ATXN8OS: variants seen among roughly 807,000 people sequenced by gnomAD.
ATXN8OS encodes ATXN8 opposite strand (non-protein coding).
At position 70,139,371 on chromosome 13, in the gene ATXN8OS, A is replaced by ACTGCTGCTG. The variant is rs1566606466; in HGVS notation, n.500-7982_500-7981insGCTGCTGCT. ...TGGCTTTACTACTACTACTACTACT[A>ACTGCTGCTG]CTACTACTACTACTGCTGCTGCTGC... On this transcript the variant is annotated intron_variant and non_coding_transcript_variant, in intron 3 of 4. Transcript: ENST00000678624. 5 of 643,254 alleles carry ACTGCTGCTG rather than the reference A, an allele frequency of 7.8e-6. No individual in the cohort carries two copies. In the East Asian group the frequency reaches 9.0e-5, roughly 12 times the overall value. The allele number at this position is 643,254 out of a possible 1,614,324, so 39.8% of individuals were successfully genotyped here.
At chr13:70,124,240 T>C (rs1023150019) in intron 2 of ATXN8OS, among the ~76,000 whole-genome samples, 2 of 152,120 alleles carry the variant, frequency 1.3e-5, no homozygotes, top group Non-Finnish European at 2.9e-5. Flanking sequence ...TAATTAATAA[T>C]GTCACCTGCT....
chr13:70,126,524 A>G (rs887027893), intron 2 of ATXN8OS, among the ~76,000 whole-genome samples: 3 of 152,004 alleles, frequency 2.0e-5, no homozygotes, highest in Non-Finnish European at 2.9e-5. Context: ...AGTAAACCAT[A>G]TATCTCTCTA....
intron 3 of ATXN8OS, among the ~76,000 whole-genome samples, chr13:70,138,147 G>C (rs2137489037): frequency 6.6e-6 from 1 of 152,266 alleles, no homozygotes; most frequent in South Asian, 2.1e-4. Flanking sequence ...CCGACACAGA[G>C]CCAGACCATA....
At chr13:70,134,748 T>C (rs145972196) in intron 3 of ATXN8OS, among the ~76,000 whole-genome samples, 4 of 152,134 alleles carry the variant, frequency 2.6e-5, no homozygotes, top group Non-Finnish European at 5.9e-5. Flanking sequence ...TGGCTGCCCT[T>C]GGAAATCAAC....
chr13:70,110,700 T>A lies in ATXN8OS; in HGVS notation n.240+2681T>A, dbSNP rs76632455. ...TTGAAAAATATACTTTGTAAAATAC[T>A]GCACTAATTAATTTATCTATTATTC... On this transcript the variant is annotated intron_variant and non_coding_transcript_variant, in intron 1 of 4. Transcript: ENST00000678624. Among the ~76,000 whole-genome samples the A allele has an allele frequency of 1.7e-3, 255 of 152,078 alleles. 1 individual carries two copies. The highest frequency in any genetic ancestry group is 6.0e-3 in the African/African-American group (248 of 41,504).
At chr13:70,169,529 C>T (rs1201456046) in intron 4 of ATXN8OS, among the ~76,000 whole-genome samples, 3 of 152,002 alleles carry the variant, frequency 2.0e-5, no homozygotes, top group Admixed American at 6.6e-5. Context: ...CTGCTGACCT[C>T]GTGATCCACC....
At chr13:70,129,706 G>C (rs1888500329) in intron 2 of ATXN8OS, 3 of 397,756 alleles carry the variant, frequency 7.5e-6, no homozygotes, top group Non-Finnish European at 1.3e-5. Context: ...TCAACCATCT[G>C]TACAGACTAG....
intron 1 of ATXN8OS, among the ~76,000 whole-genome samples, chr13:70,108,949 G>T (rs528941884): frequency 6.6e-6 from 1 of 152,184 alleles, no homozygotes; most frequent in South Asian, 2.1e-4. Flanking sequence ...AGAGGCGTAC[G>T]GTAGAAATTT....
At chr13:70,122,360 A>G (rs939224824) in intron 2 of ATXN8OS, among the ~76,000 whole-genome samples, 1 of 152,014 alleles carries the variant, frequency 6.6e-6, no homozygotes, top group African/African-American at 2.4e-5. Flanking sequence ...ACACTAAAGC[A>G]TTAGTAGTCC....
intron 3 of ATXN8OS, among the ~76,000 whole-genome samples, chr13:70,133,536 A>G (rs923235932): frequency 6.6e-6 from 1 of 152,244 alleles, no homozygotes; most frequent in Non-Finnish European, 1.5e-5. Context: ...TGAATGTAAC[A>G]ATATTTGGAA....
At chr13:70,171,191 A>G (rs2067474509) in exon 5 of ATXN8OS, among the ~76,000 whole-genome samples, 1 of 152,110 alleles carries the variant, frequency 6.6e-6, no homozygotes, top group Non-Finnish European at 1.5e-5. Context: ...TGATTAGGTT[A>G]TAACTTTGCA....
intron 3 of ATXN8OS, among the ~76,000 whole-genome samples, chr13:70,140,316 G>C (rs183075648): frequency 6.6e-6 from 1 of 151,912 alleles, no homozygotes; most frequent in East Asian, 1.9e-4. Flanking sequence ...GTAAGTATTC[G>C]ATAAATTTGA....
At chr13:70,119,386 T>C (rs1888327113) in intron 2 of ATXN8OS, among the ~76,000 whole-genome samples, 1 of 152,158 alleles carries the variant, frequency 6.6e-6, no homozygotes, top group Admixed American at 6.6e-5. Context: ...ATAATAACTC[T>C]TAAAGTTGCT....
At chr13:70,167,423 C>T (rs1163119290) in intron 4 of ATXN8OS, among the ~76,000 whole-genome samples, 1 of 151,928 alleles carries the variant, frequency 6.6e-6, no homozygotes, top group Non-Finnish European at 1.5e-5. Flanking sequence ...AAAAACCAAA[C>T]ACCACATGTT....
intron 4 of ATXN8OS, among the ~76,000 whole-genome samples, chr13:70,163,826 T>A (rs1439109930): frequency 6.6e-6 from 1 of 151,318 alleles, no homozygotes. Context: ...TTTGACTTTT[T>A]ATCTCTTGCA....
intron 3 of ATXN8OS, among the ~76,000 whole-genome samples, chr13:70,138,826 T>C (rs923423676): frequency 6.6e-6 from 1 of 152,084 alleles, no homozygotes; most frequent in Non-Finnish European, 1.5e-5. Context: ...TGAAGTCTAG[T>C]ACACGATAAT....
At chr13:70,115,508 GCTATATCT>G (rs1486232349) in intron 2 of ATXN8OS, among the ~76,000 whole-genome samples, 1 of 151,858 alleles carries the variant, frequency 6.6e-6, no homozygotes, top group Non-Finnish European at 1.5e-5. Flanking sequence ...TACATGGGTG[GCTATATCT>G]CTATAGAAAC....
At chr13:70,112,391 A>C (rs1037634025) in intron 1 of ATXN8OS, among the ~76,000 whole-genome samples, 2 of 152,182 alleles carry the variant, frequency 1.3e-5, no homozygotes, top group African/African-American at 2.4e-5. Context: ...ACATTAAATA[A>C]AAATTGTTTT....
intron 4 of ATXN8OS, among the ~76,000 whole-genome samples, chr13:70,156,770 T>C (rs1157595667): frequency 6.6e-6 from 1 of 152,132 alleles, no homozygotes; most frequent in Non-Finnish European, 1.5e-5. Flanking sequence ...ACTATCAAAT[T>C]AGCTTCAAAT....
Sources: gnomAD v4.1 joint callset for allele counts (sites outside exome capture counted in the v4.1 genomes callset) on GRCh38, gnomAD v4.1.1 for gene constraint, MANE v1.5 for transcripts, NCBI Gene and HGNC (gene_info 2026-07-23, HGNC 2026-07-21) for gene names.